Variants in DNAH7 observed in about 807,000 individuals in gnomAD.
DNAH7 encodes the protein axonemal beta dynein heavy chain 7.
In DNAH7, 397 loss-of-function variants were observed where a neutral mutation model predicts 444.6. That is an observed-to-expected ratio of 0.89 (90% CI 0.82 to 0.97). The LOEUF is 0.97. Among genes scored for constraint, DNAH7 ranks in the 50% least tolerant of loss-of-function variants. The probability of loss-of-function intolerance (pLI) is 0.00; values close to 1 mark genes in which losing one functional copy is unlikely to be tolerated. For synonymous variants in DNAH7, 1,636 were observed against 1,624.4 expected (o/e 1.01, Z -0.17); for missense variants, 4,902 against 4,800.8 (o/e 1.02, Z -0.62).
At chr2:195,900,751 T>C (rs1165897663) in intron 27 of DNAH7, 2 of 272,148 alleles carry the variant, frequency 7.3e-6, no homozygotes, top group Admixed American at 4.9e-5. Flanking sequence ...GGGGTGACTA[T>C]AGTTAAAAAT....
chr2:195,968,944 C>T (rs745391970), intron 17 of DNAH7, among the ~76,000 whole-genome samples: 1 of 152,232 alleles, frequency 6.6e-6, no homozygotes, highest in African/African-American at 2.4e-5. Flanking sequence ...CCAGTCACTA[C>T]GCTGTCCCTC....
At position 195,888,823 on chromosome 2, in the gene DNAH7, A is replaced by G. The variant is rs1325895164; in HGVS notation, c.5205T>C (p.Asp1735=). 4 of 1,612,470 alleles carry G rather than the reference A, an allele frequency of 2.5e-6. No homozygotes were observed. Among genetic ancestry groups the G allele is most frequent in the Non-Finnish European group, 3.4e-6 (4 of 1,179,540 alleles). The change falls in exon 32 of 65, where the codon GAT becomes GAC. Residue 1735 remains aspartate (D), a synonymous_variant. Transcript: ENST00000312428. The part of the protein sequence containing the change: ...PQMNLIFEPM[D]LEVASPATVS... Reference sequence around the variant, plus strand: ...CAGTGGCAGGGGAAGCAACTTCTAAATCCATTGGCTCAAAAATTAGATTCA... The same window carrying G: ...CAGTGGCAGGGGAAGCAACTTCTAAGTCCATTGGCTCAAAAATTAGATTCA...
At chr2:195,884,917 G>A (rs544262343) in intron 34 of DNAH7, 108 bp from the exon 35 acceptor site, 20 of 871,418 alleles carry the variant, frequency 2.3e-5, no homozygotes, top group Middle Eastern at 7.1e-4. Context: ...AAGGAAACAC[G>A]TAAGCTCAAA....
chr2:195,864,626 T>A lies in DNAH7; in HGVS notation c.7029A>T (p.Gly2343=). 6.2e-7 allele frequency: 1 copy of A among 1,614,146 alleles called. No homozygotes were observed. Among genetic ancestry groups the A allele is most frequent in the Non-Finnish European group, 8.5e-7 (1 of 1,180,024 alleles). The change falls in exon 41 of 65, where the codon GGA becomes GGT. Residue 2343 remains glycine (G), a synonymous_variant. Coordinates refer to ENST00000312428, the MANE Select transcript of DNAH7 (RefSeq NM_018897.3). ...TGGTGACAGACTGCCTTCCACTCCC[T>A]CCAACCCCTACTAGGAGAGCATGGC... ...PRSHALLVGV[G]GSGRQSVTRL... is the part of the protein sequence containing the mutation.
intron 30 of DNAH7, chr2:195,892,914 A>G (rs1015544737): frequency 3.1e-5 from 3 of 96,012 alleles, no homozygotes; most frequent in African/African-American, 2.5e-4. Context: ...CCAAACTGGA[A>G]AAAAAAAAAA....
Position 196,064,413 on chromosome 2 carries a change from A to G in DNAH7, c.15+4284T>C, listed in dbSNP as rs188386040. Among the ~76,000 whole-genome samples, 35 of 152,056 alleles carry G rather than the reference A, an allele frequency of 2.3e-4. No homozygotes were observed. In the East Asian group the frequency reaches 5.8e-3, roughly 25 times the overall value. On this transcript the variant is annotated intron_variant, in intron 1 of 64. Transcript: ENST00000312428. ...TTCAATTGTGCTTTTCACTCCAATT[A>G]TCACCCAATTAATTTATCTGTTTCC...
At chr2:195,924,671 T>C (rs988431744) in intron 22 of DNAH7, among the ~76,000 whole-genome samples, 4 of 133,024 alleles carry the variant, frequency 3.0e-5, no homozygotes, top group Non-Finnish European at 4.7e-5. Context: ...TTCTGACTGT[T>C]CCTGTTTAGA....
Position 195,817,604 on chromosome 2 carries a change from A to C in DNAH7, c.9425+92T>G. ...TATTTTCCCTTGCAGTATTCCTATT[A>C]AATCTAACAAAAGAGATCTGTAAAA... On this transcript the variant is annotated intron_variant, in intron 50 of 64. Coordinates refer to ENST00000312428, the MANE Select transcript of DNAH7 (RefSeq NM_018897.3). 3.8e-6 allele frequency: 5 copies of C among 1,324,080 alleles called. No individual in the cohort carries two copies. In the South Asian group the frequency reaches 6.7e-5, roughly 18 times the overall value. 82.0% of individuals were successfully genotyped at this position (1,324,080 alleles called of 1,614,324 possible).
At chr2:195,869,940 C>A (rs1700576195) in intron 40 of DNAH7, among the ~76,000 whole-genome samples, 1 of 152,180 alleles carries the variant, frequency 6.6e-6, no homozygotes, top group South Asian at 2.1e-4. Context: ...CAACCATTAT[C>A]AAAACTCAAT....
At chr2:196,036,081 G>A (rs1168204912) in intron 5 of DNAH7, among the ~76,000 whole-genome samples, 1 of 150,228 alleles carries the variant, frequency 6.7e-6, no homozygotes, top group Non-Finnish European at 1.5e-5. Flanking sequence ...GCCCAGGCTG[G>A]AGTGCAATGG....
At chr2:195,745,608 A>T (rs1351380378) in intron 63 of DNAH7, among the ~76,000 whole-genome samples, 1 of 152,230 alleles carries the variant, frequency 6.6e-6, no homozygotes, top group African/African-American at 2.4e-5. Context: ...CCAGAGACAA[A>T]GGTCGGGTTA....
At chr2:195,804,833 C>A (rs567362183) in intron 54 of DNAH7, among the ~76,000 whole-genome samples, 3 of 150,422 alleles carry the variant, frequency 2.0e-5, no homozygotes, top group Non-Finnish European at 4.5e-5. Flanking sequence ...GTATTGTCCA[C>A]ATATCTATCT....
chr2:195,871,887 C>T (rs1488678101), intron 40 of DNAH7, among the ~76,000 whole-genome samples: 2 of 74,634 alleles, frequency 2.7e-5, no homozygotes, highest in Non-Finnish European at 4.4e-5. Flanking sequence ...GCCGAGATCC[C>T]GCCACTGCAC....
At chr2:196,000,054 G>A (rs1175407094) in intron 12 of DNAH7, among the ~76,000 whole-genome samples, 1 of 152,152 alleles carries the variant, frequency 6.6e-6, no homozygotes, top group Admixed American at 6.5e-5. Context: ...GATGGGCTGT[G>A]CCAATTTAGG....
chr2:195,963,643 G>C (rs190532457), intron 17 of DNAH7, among the ~76,000 whole-genome samples: 23 of 152,212 alleles, frequency 1.5e-4, no homozygotes, highest in Admixed American at 1.3e-3. Context: ...CTTTTGCTTT[G>C]TTTGCCTGTG....
chr2:196,019,949 TCCTCCC>T (rs967270540), intron 8 of DNAH7, among the ~76,000 whole-genome samples: 5 of 115,348 alleles, frequency 4.3e-5, no homozygotes, highest in African/African-American at 1.7e-4. Context: ...CTCCCCCTCC[TCCTCCC>T]CCTTCTTCTT....
chr2:195,877,370 A>G (rs1018204523), intron 36 of DNAH7, among the ~76,000 whole-genome samples: 2 of 152,236 alleles, frequency 1.3e-5, no homozygotes. Context: ...AGTAATATCT[A>G]TCACATGCAC....
At chr2:195,990,503 A>G (rs1192241404) in intron 12 of DNAH7, among the ~76,000 whole-genome samples, 2 of 151,984 alleles carry the variant, frequency 1.3e-5, no homozygotes, top group Non-Finnish European at 2.9e-5. Context: ...TCTCTACAAA[A>G]AACACAAAAA....
At chr2:195,905,010 T>G (rs1416564923) in intron 27 of DNAH7, 1 of 152,120 alleles carries the variant, frequency 6.6e-6, no homozygotes, top group Non-Finnish European at 1.5e-5. Context: ...GCTATGAGAA[T>G]TGAGAACAGC....
Sources: gnomAD v4.1 joint callset for allele counts (sites outside exome capture counted in the v4.1 genomes callset) on GRCh38, gnomAD v4.1.1 for gene constraint, MANE v1.5 for transcripts, NCBI Gene and HGNC (gene_info 2026-07-23, HGNC 2026-07-21) for gene names.